TFRC: variants seen among roughly 807,000 people sequenced by gnomAD.
The protein encoded by TFRC is transferrin receptor.
In TFRC, 35 loss-of-function variants were observed where a neutral mutation model predicts 85.8. The ratio of observed to expected loss-of-function variants is 0.41; its 90% CI spans 0.31 to 0.54. The LOEUF is 0.54. Among genes scored for constraint, TFRC ranks in the 20% least tolerant of loss-of-function variants. TFRC has a pLI of 0.31. For missense variants in TFRC, 828 were observed against 921.5 expected, an observed-to-expected ratio of 0.90 and a Z score of 1.31; for synonymous variants, 362 against 328.6, an observed-to-expected ratio of 1.10 and a Z score of -1.10.
chr3:196,067,711 T>G, intron 8 of TFRC, 54 bp from the exon 9 acceptor site: 5 of 1,588,424 alleles, frequency 3.1e-6, no homozygotes, highest in Non-Finnish European at 4.3e-6. Flanking sequence ...AAAACTTCTC[T>G]GTAAGATTCA....
chr3:196,067,086 ATAGACAAGG>A (rs1717797693), intron 9 of TFRC, among the ~76,000 whole-genome samples: 1 of 152,224 alleles, frequency 6.6e-6, no homozygotes, highest in East Asian at 1.9e-4. Context: ...TTCTCAATCT[ATAGACAAGG>A]TAACTGGAAT....
chr3:196,052,512 C>G (rs181286914), intron 18 of TFRC, among the ~76,000 whole-genome samples: 1 of 151,994 alleles, frequency 6.6e-6, no homozygotes, highest in Non-Finnish European at 1.5e-5. Flanking sequence ...GCGATCTCAG[C>G]TCACTGCAAC....
At position 196,074,005 on chromosome 3, in the gene TFRC, C is replaced by T. The variant is rs747082551; in HGVS notation, c.359G>A (p.Arg120His). 6 of 1,614,072 alleles carry T rather than the reference C, an allele frequency of 3.7e-6. No homozygotes were observed. The East Asian group carries it at 8.9e-5, about 24-fold the overall frequency. The change falls in exon 4 of 19, where the codon CGT becomes CAT. Residue 120 changes from arginine to histidine, a missense_variant. Physicochemically the swap from Arg to His is conservative, Grantham distance 29 (BLOSUM62 0). Transcript: ENST00000360110. ...CTTCAGGTCATCCCAATATAAGCGA[C>T]GTGCTGCAGGGAAGTCCTCTCCTGG... ...EEPGEDFPAA[R>H]RLYWDDLKRK...
At chr3:196,058,740 A>T (rs1717032118) in intron 14 of TFRC, 108 bp from the exon 15 acceptor site, 1 of 648,202 alleles carries the variant, frequency 1.5e-6, no homozygotes, top group South Asian at 3.0e-5. Flanking sequence ...AACTTGTATT[A>T]TATCTTCTTG....
intron 2 of TFRC, among the ~76,000 whole-genome samples, 190 bp from the exon 3 acceptor site, chr3:196,075,550 C>G (rs537237978): frequency 1.1e-4 from 16 of 152,138 alleles, no homozygotes; most frequent in African/African-American, 3.4e-4. Flanking sequence ...CTCAGTCAGT[C>G]TCTCCCTTTT....
chr3:196,075,988 A>G (rs1300352651), intron 2 of TFRC, among the ~76,000 whole-genome samples: 1 of 147,012 alleles, frequency 6.8e-6, no homozygotes, highest in African/African-American at 2.5e-5. Context: ...AAAAAAAACC[A>G]CTAGCTGGGC....
At chr3:196,072,998 G>C (rs1391502811) in intron 4 of TFRC, 2 of 134,400 alleles carry the variant, frequency 1.5e-5, no homozygotes, top group Non-Finnish European at 3.0e-5. Flanking sequence ...TCAGGAGTTA[G>C]ACACCAGCCT....
At position 196,065,540 on chromosome 3, in the gene TFRC, G is replaced by C. The variant is rs766998024; in HGVS notation, c.1101C>G (p.Thr367=). Residue 367 remains threonine, a synonymous_variant, in exon 10 of 19, where the codon ACC becomes ACG. Coordinates refer to ENST00000360110, the MANE Select transcript of TFRC (RefSeq NM_001128148.3). ...TGAGCTTCACATTCTTGCTTTCTGA[G>C]GTTACCATCCTACATGTAGAGTCTG... ...WKTDSTCRMV[T]SESKNVKLTV... 5.0e-6 allele frequency: 8 copies of C among 1,611,112 alleles called. No homozygotes were observed. Among genetic ancestry groups the C allele is most frequent in the Non-Finnish European group, 6.8e-6 (8 of 1,179,030 alleles).
intron 5 of TFRC, 97 bp downstream of exon 5, chr3:196,071,906 A>C: frequency 7.1e-7 from 1 of 1,402,282 alleles, no homozygotes; most frequent in Non-Finnish European, 9.7e-7. Flanking sequence ...TCCATTTCAA[A>C]AAAAAGCCAA....
chr3:196,072,178 G>C (rs1331243829), intron 4 of TFRC, 26 bp from the exon 5 acceptor site: 1 of 1,606,288 alleles, frequency 6.2e-7, no homozygotes, highest in Non-Finnish European at 8.5e-7. Context: ...CCTTTTAAAT[G>C]AACTTAAGTT....
At chr3:196,061,478 A>G (rs1459012070) in intron 13 of TFRC, among the ~76,000 whole-genome samples, 1 of 152,132 alleles carries the variant, frequency 6.6e-6, no homozygotes, top group East Asian at 1.9e-4. Context: ...GTTGCCAAAA[A>G]AAAAGCCCAG....
chr3:196,052,281 T>C (rs1360449283), intron 18 of TFRC, 97 bp from the exon 19 acceptor site: 1 of 1,020,076 alleles, frequency 9.8e-7, no homozygotes, highest in South Asian at 1.7e-5. Flanking sequence ...AATTTAAGAA[T>C]GCCGATCAGA....
At position 196,051,949 on chromosome 3, in the gene TFRC, T is replaced by C; in HGVS notation, c.2276A>G (p.Glu759Gly). ...LSGDVWDIDN[E>G]F ...AAGCTATGGGTATCACATTTAAAAC[T>C]CATTGTCAATGTCCCAAACGTCACC... Residue 759 changes from glutamate to glycine, a missense_variant, in exon 19 of 19, where the codon GAG becomes GGG. Glu to Gly is a moderately conservative substitution (Grantham distance 98). Transcript: ENST00000360110. The C allele has an allele frequency of 1.2e-6, 2 of 1,614,178 alleles. No homozygotes were observed. The highest frequency in any genetic ancestry group is 1.7e-6 in the Non-Finnish European group (2 of 1,180,014).
intron 1 of TFRC, among the ~76,000 whole-genome samples, chr3:196,078,625 C>T (rs1383536044): frequency 6.6e-6 from 1 of 151,368 alleles, no homozygotes; most frequent in African/African-American, 2.4e-5. Context: ...CCACTGCACT[C>T]CAGCCTGGGT....
At chr3:196,068,388 G>T (rs113920168) in intron 7 of TFRC, among the ~76,000 whole-genome samples, 1 of 151,944 alleles carries the variant, frequency 6.6e-6, no homozygotes, top group African/African-American at 2.4e-5. Flanking sequence ...TGAGGCAGGG[G>T]GATCACAAGC....
Position 196,067,551 on chromosome 3 carries a change from G to A in TFRC, c.1007C>T (p.Thr336Ile). The A allele has an allele frequency of 6.2e-7, 1 of 1,614,074 alleles. No homozygotes were observed. The highest frequency in any genetic ancestry group is 8.5e-7 in the Non-Finnish European group (1 of 1,179,990). ...SSGLPNIPVQ[T>I]ISRAAAEKLF... Reference sequence around the variant, plus strand: ...CTTTTCTGCAGCAGCTCTGGAGATTGTCTGGACAGGTATATTAGGCAATCC... The same window carrying A: ...CTTTTCTGCAGCAGCTCTGGAGATTATCTGGACAGGTATATTAGGCAATCC... The change falls in exon 9 of 19, where the codon ACA becomes ATA. Residue 336 changes from threonine to isoleucine, a missense_variant. Physicochemically the swap from Thr to Ile is moderately conservative, Grantham distance 89. Coordinates refer to ENST00000360110, the MANE Select transcript of TFRC (RefSeq NM_001128148.3).
chr3:196,058,245 G>C (rs748435068), intron 16 of TFRC, 39 bp downstream of exon 16: 2 of 1,545,496 alleles, frequency 1.3e-6, no homozygotes, highest in South Asian at 1.1e-5. Context: ...TCCTTTTAGA[G>C]AGCCTCTCTC....
At chr3:196,075,710 C>CAA (rs1718629326) in intron 2 of TFRC, among the ~76,000 whole-genome samples, 1 of 152,006 alleles carries the variant, frequency 6.6e-6, no homozygotes, top group Non-Finnish European at 1.5e-5. Flanking sequence ...ACTAGGGGCA[C>CAA]AAATCAGTTC....
chr3:196,071,615 G>A (rs1321167207), intron 5 of TFRC, 117 bp from the exon 6 acceptor site: 2 of 1,057,234 alleles, frequency 1.9e-6, no homozygotes, highest in African/African-American at 1.6e-5. Flanking sequence ...TAAATCTTAA[G>A]CTTGATTTTT....
Sources: allele counts gnomAD v4.1 joint callset (sites outside exome capture counted in the v4.1 genomes callset), GRCh38; gene constraint gnomAD v4.1.1; transcripts MANE v1.5; gene names NCBI Gene and HGNC (gene_info 2026-07-23, HGNC 2026-07-21).